Variants in TUSC3 observed in about 807,000 individuals in gnomAD.
The protein encoded by TUSC3 is dolichyl-diphosphooligosaccharide--protein glycosyltransferase subunit TUSC3.
TUSC3 carries 45 observed loss-of-function variants against 44.8 expected under a neutral mutation model. That is an observed-to-expected ratio of 1.00 (90% CI 0.79 to 1.29). TUSC3 has a LOEUF of 1.29. TUSC3 is among the 50% of genes most tolerant of loss of function. The pLI is 0.00. For missense variants in TUSC3, 519 were observed against 437.9 expected (o/e 1.19, Z -1.65); for synonymous variants, 212 against 152.9 (o/e 1.39, Z -2.85).
At chr8:15,464,607 T>C (rs1800391379) in intron 1 of TUSC3, among the ~76,000 whole-genome samples, 1 of 152,246 alleles carries the variant, frequency 6.6e-6, no homozygotes, top group Non-Finnish European at 1.5e-5. Flanking sequence ...TTATATCTAA[T>C]AAACTTTAAG....
chr8:15,454,575 T>C (rs1031823567), intron 1 of TUSC3, among the ~76,000 whole-genome samples: 7 of 152,230 alleles, frequency 4.6e-5, no homozygotes, highest in African/African-American at 1.7e-4. Context: ...CTGTCTTCCA[T>C]CAGGAACAGA....
At chr8:15,490,055 T>C (rs1171413484) in intron 2 of TUSC3, among the ~76,000 whole-genome samples, 1 of 152,204 alleles carries the variant, frequency 6.6e-6, no homozygotes, top group Non-Finnish European at 1.5e-5. Flanking sequence ...ATCAAGAACA[T>C]GGTGTCCTTA....
chr8:15,614,679 A>G (rs1032289235), intron 1 of TUSC3, among the ~76,000 whole-genome samples: 1 of 152,068 alleles, frequency 6.6e-6, no homozygotes, highest in Non-Finnish European at 1.5e-5. Context: ...TATTTTGTCT[A>G]TCCATTCAAC....
rs191528797 is a variant in TUSC3 at position 15,492,418 on chromosome 8, T to C, written n.189+8935T>C. Among the ~76,000 whole-genome samples the C allele has an allele frequency of 2.9e-3, 440 of 152,288 alleles. 4 individuals carry two copies. Among genetic ancestry groups the C allele is most frequent in the African/African-American group, 0.01 (422 of 41,562 alleles). On this transcript the variant is annotated intron_variant and non_coding_transcript_variant, in intron 2 of 5. Coordinates refer to the TUSC3 transcript ENST00000503191. ...TGCAATACAGGCTTGTCTGCACAGT[T>C]CTAGAAGGCAAGATTAAAGTCAGTA...
the TUSC3 span, among the ~76,000 whole-genome samples, chr8:15,827,267 G>C: frequency 9.2e-5 from 14 of 152,200 alleles, no homozygotes; most frequent in Admixed American, 3.3e-4. Flanking sequence ...TCTAACTCAT[G>C]TAAGACTGAA....
chr8:15,455,441 ATACACACC>A (rs2129121001), intron 1 of TUSC3, among the ~76,000 whole-genome samples: 1 of 43,762 alleles, frequency 2.3e-5, no homozygotes, highest in Admixed American at 4.7e-4. Context: ...ACGTATATGT[ATACACACC>A]TATGTATACA....
At chr8:15,646,738 A>AGAGATGATC (rs1806650537) in intron 2 of TUSC3, among the ~76,000 whole-genome samples, 1 of 152,156 alleles carries the variant, frequency 6.6e-6, no homozygotes, top group Non-Finnish European at 1.5e-5. Context: ...AGGCTAGGCC[A>AGAGATGATC]GAGATGATCC....
chr8:15,845,786 T>G, the TUSC3 span, among the ~76,000 whole-genome samples: 1 of 152,192 alleles, frequency 6.6e-6, no homozygotes, highest in Non-Finnish European at 1.5e-5. Flanking sequence ...ACGTGTATGT[T>G]CAAACATTAT....
At chr8:15,558,832 T>C (rs974523039) in intron 1 of TUSC3, among the ~76,000 whole-genome samples, 3 of 149,536 alleles carry the variant, frequency 2.0e-5, no homozygotes, top group African/African-American at 7.3e-5. Context: ...AGTTTGTATT[T>C]CTGTGGGATC....
intron 1 of TUSC3, among the ~76,000 whole-genome samples, chr8:15,565,486 G>A (rs1398024950): frequency 2.0e-5 from 3 of 152,134 alleles, no homozygotes; most frequent in Admixed American, 6.5e-5. Flanking sequence ...ACAGCTACCT[G>A]CTTAGCTGTT....
chr8:15,757,416 A>C (rs962752377), intron 9 of TUSC3, among the ~76,000 whole-genome samples: 1 of 152,206 alleles, frequency 6.6e-6, no homozygotes, highest in Non-Finnish European at 1.5e-5. Flanking sequence ...GCAAGGCAAA[A>C]ATTCCAGCAT....
At chr8:15,754,339 A>G (rs573395924) in intron 9 of TUSC3, among the ~76,000 whole-genome samples, 1 of 145,860 alleles carries the variant, frequency 6.9e-6, no homozygotes, top group Non-Finnish European at 1.5e-5. Flanking sequence ...AGAAATAAAT[A>G]CATTGAAGTA....
At chr8:15,459,495 A>G (rs745948879) in intron 1 of TUSC3, among the ~76,000 whole-genome samples, 1 of 152,076 alleles carries the variant, frequency 6.6e-6, no homozygotes, top group Non-Finnish European at 1.5e-5. Flanking sequence ...GTAGGTTATT[A>G]GGGTACAGGT....
At chr8:15,736,371 T>G (rs990398543) in intron 7 of TUSC3, among the ~76,000 whole-genome samples, 4 of 152,218 alleles carry the variant, frequency 2.6e-5, no homozygotes, top group African/African-American at 9.6e-5. Flanking sequence ...ATGCAGTTTT[T>G]GAAACCATAA....
intron 6 of TUSC3, among the ~76,000 whole-genome samples, chr8:15,688,159 A>G (rs1012314674): frequency 2.6e-5 from 4 of 152,136 alleles, no homozygotes; most frequent in African/African-American, 9.7e-5. Context: ...AAAACCAAAG[A>G]TATTATTTTC....
At chr8:15,693,318 C>T (rs139505177) in intron 6 of TUSC3, among the ~76,000 whole-genome samples, 490 of 152,042 alleles carry the variant, frequency 3.2e-3, no homozygotes, top group Middle Eastern at 0.01. Flanking sequence ...ACATTTAGTA[C>T]TCCCTTCAGA....
the TUSC3 span, among the ~76,000 whole-genome samples, chr8:15,779,682 G>C: frequency 6.6e-6 from 1 of 152,154 alleles, no homozygotes; most frequent in Non-Finnish European, 1.5e-5. Context: ...AGTATCAAAA[G>C]TTAGTCTTTT....
At chr8:15,539,149 A>C (rs188777593), upstream of TUSC3, among the ~76,000 whole-genome samples, 35 of 151,830 alleles carry the variant, frequency 2.3e-4, 1 homozygote, top group African/African-American at 6.3e-4. Flanking sequence ...GTGCCTGGCT[A>C]ATACTATGTA....
chr8:15,838,788 C>T, the TUSC3 span, among the ~76,000 whole-genome samples: 3 of 152,074 alleles, frequency 2.0e-5, no homozygotes, highest in East Asian at 1.9e-4. Context: ...AATCAGGTAG[C>T]GTGATGACTC....
Sources: gnomAD v4.1 joint callset for allele counts (sites outside exome capture counted in the v4.1 genomes callset) on GRCh38, gnomAD v4.1.1 for gene constraint, MANE v1.5 for transcripts, NCBI Gene and HGNC (gene_info 2026-07-23, HGNC 2026-07-21) for gene names.